BMPR1B: variants seen among roughly 807,000 people sequenced by gnomAD.
The protein encoded by BMPR1B is bone morphogenetic protein receptor type-1B.
BMPR1B carries 12 observed loss-of-function variants against 59.1 expected under a neutral mutation model. The ratio of observed to expected loss-of-function variants is 0.20; its 90% CI spans 0.13 to 0.33. BMPR1B has a LOEUF of 0.33. Ranked by LOEUF, BMPR1B falls within the 10% of genes least tolerant of loss-of-function variation. The pLI, the probability that BMPR1B is intolerant of heterozygous loss-of-function variation, is 1.00. For synonymous variants in BMPR1B, 237 were observed against 207.3 expected (o/e 1.14, Z -1.23); for missense variants, 550 against 610.9 (o/e 0.90, Z 1.05).
At chr4:94,902,292 A>C (rs1167187312) in intron 2 of BMPR1B, among the ~76,000 whole-genome samples, 1 of 140,560 alleles carries the variant, frequency 7.1e-6, no homozygotes, top group Admixed American at 7.1e-5. Context: ...AGAGAGAGAG[A>C]GAAGATGGGG....
chr4:95,003,627 A>G (rs976225691), intron 3 of BMPR1B, among the ~76,000 whole-genome samples: 1 of 152,044 alleles, frequency 6.6e-6, no homozygotes, highest in East Asian at 1.9e-4. Context: ...ATGTGTGTAT[A>G]TATGTATATG....
chr4:95,154,436 G>T, intron 12 of BMPR1B, 112 bp from the exon 13 acceptor site: 2 of 1,463,256 alleles, frequency 1.4e-6, no homozygotes, highest in South Asian at 1.2e-5. Context: ...ATGGTTTTAA[G>T]GGTACCTTTT....
chr4:94,849,576 TAG>T (rs1488534254), intron 1 of BMPR1B, among the ~76,000 whole-genome samples: 1 of 151,850 alleles, frequency 6.6e-6, no homozygotes, highest in Non-Finnish European at 1.5e-5. Context: ...AATGATCTAG[TAG>T]AGAGAGAAAA....
intron 3 of BMPR1B, among the ~76,000 whole-genome samples, chr4:95,070,240 G>A (rs1728176797): frequency 6.6e-6 from 1 of 152,170 alleles, no homozygotes; most frequent in African/African-American, 2.4e-5. Context: ...GAAATGATGA[G>A]GGCCTCCTTT....
chr4:95,026,130 C>CTTTCTTTCTTTCTT lies in BMPR1B; in HGVS notation c.-18+29998_-18+30011dup, dbSNP rs1364920212. On this transcript the variant is annotated intron_variant, in intron 3 of 12. Transcript: ENST00000515059. ...TCTTTCTTTCTTTCTTTCTTTCTTT[C>CTTTCTTTCTTTCTT]TTTCTTTCTTTCTTTCTTTCTTTCT... 2.4e-4 allele frequency among the ~76,000 whole-genome samples: 35 copies of CTTTCTTTCTTTCTT among 146,436 alleles called. 1 individual carries two copies. Among genetic ancestry groups the CTTTCTTTCTTTCTT allele is most frequent in the African/African-American group, 8.3e-4 (32 of 38,696 alleles).
At chr4:94,768,925 T>C (rs888592183) in intron 1 of BMPR1B, among the ~76,000 whole-genome samples, 3 of 152,200 alleles carry the variant, frequency 2.0e-5, no homozygotes, top group Non-Finnish European at 2.9e-5. Context: ...ATCTAGACTT[T>C]TTATTCCTTT....
At chr4:95,049,421 T>TG in intron 3 of BMPR1B, among the ~76,000 whole-genome samples, 2 of 1,816 alleles carry the variant, frequency 1.1e-3, no homozygotes, top group African/African-American at 3.2e-3. Context: ...GCATAAAAGT[T>TG]TTTTTTTTTT....
At position 95,104,321 on chromosome 4, in the gene BMPR1B, TA is replaced by T. The variant is rs1429045167; in HGVS notation, c.-17-83del. Reference sequence around the variant, plus strand: ...TTTAAGTATCTTGAATACTTCATTTTAAAATGTAATCTCATGTTTTCGTTTG... The same window carrying T: ...TTTAAGTATCTTGAATACTTCATTTTAAATGTAATCTCATGTTTTCGTTTG... On this transcript the variant is annotated intron_variant, in intron 3 of 12. Coordinates refer to ENST00000515059, the MANE Select transcript of BMPR1B (RefSeq NM_001203.3). The T allele has an allele frequency of 3.5e-6, 5 of 1,431,064 alleles. No individual in the cohort carries two copies. The East Asian group carries it at 1.2e-4, about 35-fold the overall frequency. The allele number at this position is 1,431,064 out of a possible 1,614,324, so 88.6% of individuals were successfully genotyped here. A position where few individuals can be genotyped will look rare whatever the true frequency, so the allele number is the denominator to read the frequency against.
intron 2 of BMPR1B, among the ~76,000 whole-genome samples, chr4:94,970,196 TG>T (rs1346743719): frequency 6.6e-6 from 1 of 152,182 alleles, no homozygotes; most frequent in Non-Finnish European, 1.5e-5. Flanking sequence ...CTGATTTATC[TG>T]TAGTTAAGCC....
At chr4:94,917,114 A>G (rs992513328) in intron 2 of BMPR1B, among the ~76,000 whole-genome samples, 1 of 152,236 alleles carries the variant, frequency 6.6e-6, no homozygotes, top group South Asian at 2.1e-4. Context: ...CCTATATTTC[A>G]GAGGATATAT....
rs564576328 is a variant in BMPR1B, at chr4:95,138,537, G to A, written c.1076+7025G>A. ...GGTTCCATTCTCCCCATCACTTTCA[G>A]GTACACCAATCAGACGTAGATTTGG... On this transcript the variant is annotated intron_variant, in intron 10 of 12. Coordinates refer to ENST00000515059, the MANE Select transcript of BMPR1B (RefSeq NM_001203.3). Among the ~76,000 whole-genome samples, 37 of 150,312 alleles carry A rather than the reference G, an allele frequency of 2.5e-4. No homozygotes were observed. In the South Asian group the frequency reaches 7.5e-3, roughly 30 times the overall value.
intron 1 of BMPR1B, among the ~76,000 whole-genome samples, chr4:94,779,628 C>T (rs113774430): frequency 6.6e-6 from 1 of 152,048 alleles, no homozygotes; most frequent in African/African-American, 2.4e-5. Flanking sequence ...ATAAGGAGTT[C>T]GAGATTAGCC....
intron 2 of BMPR1B, among the ~76,000 whole-genome samples, chr4:94,911,711 A>G (rs1467944176): frequency 6.6e-6 from 1 of 152,198 alleles, no homozygotes; most frequent in Non-Finnish European, 1.5e-5. Context: ...TGGAGATATT[A>G]CAATCAGTAT....
intron 3 of BMPR1B, among the ~76,000 whole-genome samples, chr4:95,002,490 C>A (rs1259275343): frequency 2.0e-5 from 3 of 152,124 alleles, no homozygotes; most frequent in African/African-American, 7.2e-5. Context: ...AGATCTATGC[C>A]CAGCAATGGG....
intron 3 of BMPR1B, among the ~76,000 whole-genome samples, chr4:95,089,304 G>GGAT (rs1729812546): frequency 6.6e-6 from 1 of 152,080 alleles, no homozygotes; most frequent in Non-Finnish European, 1.5e-5. Context: ...CCCAGATACA[G>GGAT]GCTTTTTGTT....
At chr4:95,103,654 C>A (rs1730980342) in intron 3 of BMPR1B, 2 of 254,654 alleles carry the variant, frequency 7.9e-6, no homozygotes, top group Admixed American at 6.8e-5. Context: ...TATCTAAGGA[C>A]AACTAACTTG....
chr4:95,131,795 C>T (rs939671282), intron 10 of BMPR1B, among the ~76,000 whole-genome samples: 1 of 152,196 alleles, frequency 6.6e-6, no homozygotes, highest in Middle Eastern at 3.4e-3. Flanking sequence ...AATACGTAGT[C>T]AGAATTCTGC....
rs1330966034 is a variant in BMPR1B at position 95,034,893 on chromosome 4, C to A, written c.-18+38759C>A. Among the ~76,000 whole-genome samples, 6 of 152,180 alleles carry A rather than the reference C, an allele frequency of 3.9e-5. No individual in the cohort carries two copies. The East Asian group carries it at 1.2e-3, about 29-fold the overall frequency. On this transcript the variant is annotated intron_variant, in intron 3 of 12. Coordinates refer to ENST00000515059, the MANE Select transcript of BMPR1B (RefSeq NM_001203.3). Reference sequence around the variant, plus strand: ...GCGGTTGTACTAGTTTACATTCTCACCAGCAGTATACTAGTTGTTCCCTTT... The same window carrying A: ...GCGGTTGTACTAGTTTACATTCTCAACAGCAGTATACTAGTTGTTCCCTTT...
intron 2 of BMPR1B, among the ~76,000 whole-genome samples, chr4:94,923,471 G>C (rs1031502278): frequency 6.6e-6 from 1 of 152,106 alleles, no homozygotes; most frequent in Admixed American, 6.6e-5. Context: ...ATCTGGTTTA[G>C]AGACTACTCA....
Sources: allele counts gnomAD v4.1 joint callset (sites outside exome capture counted in the v4.1 genomes callset), GRCh38; gene constraint gnomAD v4.1.1; transcripts MANE v1.5; gene names NCBI Gene and HGNC (gene_info 2026-07-23, HGNC 2026-07-21).